Variants in PGD observed in about 807,000 individuals in gnomAD.
PGD encodes 6-phosphogluconate dehydrogenase, decarboxylating.
A neutral mutation model predicts 60.4 loss-of-function variants in PGD; 21 were observed. The ratio of observed to expected loss-of-function variants is 0.35; its 90% CI spans 0.25 to 0.50. PGD has a LOEUF of 0.50. Ranked by LOEUF, PGD falls within the 20% of genes least tolerant of loss-of-function variation. The pLI is 0.98. For missense variants in PGD, 477 were observed against 613.1 expected, an observed-to-expected ratio of 0.78 and a Z score of 2.34; for synonymous variants, 230 against 235.9, an observed-to-expected ratio of 0.97 and a Z score of 0.23.
rs1248883154 is a variant in PGD at position 10,417,040 on chromosome 1, G to A, written c.898G>A (p.Ala300Thr). The part of the protein sequence containing the change: ...LSSLKDERIQ[A>T]SKKLKGPQKF... ...ATCTCTGAAGGATGAGAGAATTCAA[G>A]CTAGCAAAAAGCTGAAGGGTCCCCA... The change falls in exon 9 of 13, where the codon GCT becomes ACT. Residue 300 changes from alanine (A) to threonine (T), a missense_variant. By Grantham distance (58) the Ala-to-Thr change is moderately conservative. Transcript: ENST00000270776. 1.2e-6 allele frequency: 2 copies of A among 1,613,970 alleles called. No individual in the cohort carries two copies. The highest frequency in any genetic ancestry group is 4.5e-5 in the East Asian group (2 of 44,886).
At chr1:10,400,659 AT>A (rs35314429) in intron 3 of PGD, 87 bp downstream of exon 3, 5,077 of 810,716 alleles carry the variant, frequency 6.3e-3, no homozygotes, top group South Asian at 8.9e-3. Context: ...AACTCTAGAG[AT>A]TTTTTTTTTT....
In PGD at chr1:10,420,052, A is replaced by G; in HGVS notation, c.*303A>G. On this transcript the variant is annotated 3_prime_UTR_variant, in exon 13 of 13. Coordinates refer to ENST00000270776, the MANE Select transcript of PGD (RefSeq NM_002631.4). The stretch of plus-strand genomic sequence containing the variant: ...GTGCGGTTCCCATCACGCAGACAGG[A>G]AGGGTGTTTGCGCACTCTGATCAAC... 1 of 366,034 alleles carries G rather than the reference A, an allele frequency of 2.7e-6. No individual in the cohort carries two copies. Among genetic ancestry groups the G allele is most frequent in the South Asian group, 2.8e-5 (1 of 35,508 alleles). 22.7% of individuals were successfully genotyped at this position (366,034 alleles called of 1,614,324 possible).
chr1:10,419,548 G>A lies in PGD; in HGVS notation c.1332+9G>A. 1.2e-5 allele frequency: 19 copies of A among 1,614,058 alleles called. No individual in the cohort carries two copies. The highest frequency in any genetic ancestry group is 1.6e-5 in the Non-Finnish European group (19 of 1,179,908). On this transcript the variant is annotated intron_variant, in intron 12 of 12. Coordinates refer to ENST00000270776, the MANE Select transcript of PGD (RefSeq NM_002631.4). ...CAGCCAGCCTCATCCAGGTAAGCCT[G>A]TGGAGCAGGGATTAACCTGGCTGGC...
At chr1:10,403,027 A>T (rs757106646) in intron 3 of PGD, 44 bp from the exon 4 acceptor site, 1 of 1,184,632 alleles carries the variant, frequency 8.4e-7, no homozygotes, top group South Asian at 1.2e-5. Flanking sequence ...TTGCCAAGGT[A>T]TGTTTCATTT....
intron 8 of PGD, among the ~76,000 whole-genome samples, chr1:10,415,064 C>A (rs1265381165): frequency 6.6e-6 from 1 of 150,672 alleles, no homozygotes; most frequent in Non-Finnish European, 1.5e-5. Context: ...GCACTCCAGG[C>A]TGGGCGACCG....
chr1:10,415,442 C>T (rs1253335283), intron 8 of PGD: 1 of 152,186 alleles, frequency 6.6e-6, no homozygotes, highest in Non-Finnish European at 1.5e-5. Context: ...GATCCATATA[C>T]CTCTTCCCCC....
intron 8 of PGD, among the ~76,000 whole-genome samples, chr1:10,416,380 A>C (rs1639594528): frequency 6.6e-6 from 1 of 152,208 alleles, no homozygotes; most frequent in Non-Finnish European, 1.5e-5. Context: ...TAGTTATCAA[A>C]TTAACTGTTT....
At chr1:10,408,438 A>G (rs2102391319) in intron 6 of PGD, among the ~76,000 whole-genome samples, 1 of 152,324 alleles carries the variant, frequency 6.6e-6, no homozygotes, top group South Asian at 2.1e-4. Flanking sequence ...TTTTCGAGCC[A>G]TATTATTTCA....
chr1:10,418,030 A>G (rs1385382725), intron 10 of PGD, among the ~76,000 whole-genome samples: 2 of 152,106 alleles, frequency 1.3e-5, no homozygotes, highest in Non-Finnish European at 2.9e-5. Flanking sequence ...CACCTACTAC[A>G]CTACACCTTT....
chr1:10,409,468 C>T (rs12129346), intron 6 of PGD, among the ~76,000 whole-genome samples: 1 of 151,920 alleles, frequency 6.6e-6, no homozygotes, highest in Non-Finnish European at 1.5e-5. Context: ...GGTAAAAGGC[C>T]GGGTGTAGTG....
chr1:10,413,311 G>A lies in PGD; in HGVS notation c.844+60G>A, dbSNP rs867380165. On this transcript the variant is annotated intron_variant, in intron 8 of 12. Transcript: ENST00000270776. ...CACTATTCTGATCTTGATGTCTGGA[G>A]GACAGATACAGACTGGTCTTTAGAG... 1.1e-5 allele frequency: 16 copies of A among 1,442,232 alleles called. 1 individual carries two copies. The Middle Eastern group carries it at 1.4e-3, about 127-fold the overall frequency. The allele number at this position is 1,442,232 out of a possible 1,614,324, so 89.3% of individuals were successfully genotyped here.
intron 2 of PGD, 126 bp downstream of exon 2, chr1:10,399,830 G>T: frequency 1.2e-6 from 1 of 823,130 alleles, no homozygotes; most frequent in East Asian, 2.6e-5. Flanking sequence ...GCTGCTCGTG[G>T]CATTTTTGTA....
At chr1:10,400,274 C>A in intron 2 of PGD, 119 bp from the exon 3 acceptor site, 1 of 702,868 alleles carries the variant, frequency 1.4e-6, no homozygotes, top group Non-Finnish European at 2.4e-6. Context: ...GAAGAAAAGG[C>A]AAAGGCAGGT....
At chr1:10,414,761 G>A (rs1430948540) in intron 8 of PGD, among the ~76,000 whole-genome samples, 1 of 152,000 alleles carries the variant, frequency 6.6e-6, no homozygotes, top group Non-Finnish European at 1.5e-5. Context: ...TTAATGAGAG[G>A]CTGATCTTTG....
intron 4 of PGD, among the ~76,000 whole-genome samples, chr1:10,403,589 T>TAAAAAAA (rs1431124770): frequency 2.1e-5 from 1 of 46,544 alleles, no homozygotes; most frequent in African/African-American, 1.2e-4. Context: ...AAACTCCATC[T>TAAAAAAA]GAAAAAAAAA....
chr1:10,418,675 T>A (rs1639637877), intron 10 of PGD, 151 bp from the exon 11 acceptor site: 2 of 545,388 alleles, frequency 3.7e-6, no homozygotes, highest in African/African-American at 3.9e-5. Context: ...CTGGCGAGGC[T>A]GAGGCAGGAG....
At chr1:10,400,999 G>T (rs1194608974) in intron 3 of PGD, among the ~76,000 whole-genome samples, 1 of 152,120 alleles carries the variant, frequency 6.6e-6, no homozygotes, top group Non-Finnish European at 1.5e-5. Flanking sequence ...ATGGTCCCAG[G>T]TTCGAGACCA....
intron 6 of PGD, among the ~76,000 whole-genome samples, chr1:10,408,620 C>T (rs1363764876): frequency 6.6e-6 from 1 of 152,274 alleles, no homozygotes; most frequent in African/African-American, 2.4e-5. Context: ...TGTGGACTTG[C>T]ACCCTCACTG....
chr1:10,408,765 C>T (rs1365166446), intron 6 of PGD, among the ~76,000 whole-genome samples: 2 of 152,150 alleles, frequency 1.3e-5, no homozygotes, highest in African/African-American at 2.4e-5. Flanking sequence ...CATGCCACCA[C>T]GCCTAGCTAA....
Sources: gnomAD v4.1 joint callset for allele counts (sites outside exome capture counted in the v4.1 genomes callset) on GRCh38, gnomAD v4.1.1 for gene constraint, MANE v1.5 for transcripts, NCBI Gene and HGNC (gene_info 2026-07-23, HGNC 2026-07-21) for gene names.